Variants in GRM1 observed in about 807,000 individuals in gnomAD.
GRM1 encodes the protein glutamate metabotropic receptor 1, also known as metabotropic glutamate receptor 1.
In GRM1, 33 loss-of-function variants were observed where a neutral mutation model predicts 90.9. The ratio of observed to expected loss-of-function variants is 0.36; its 90% CI spans 0.28 to 0.49. GRM1 has a LOEUF of 0.49. Among genes scored for constraint, GRM1 ranks in the 20% least tolerant of loss-of-function variants. The pLI is 0.99. For synonymous variants in GRM1, 700 were observed against 613.2 expected, an observed-to-expected ratio of 1.14 and a Z score of -2.09; for missense variants, 1,190 against 1,534.3, an observed-to-expected ratio of 0.78 and a Z score of 3.75.
chr6:146,301,981 T>G lies in GRM1; in HGVS notation c.951-2630T>G, dbSNP rs560433724. 3.9e-5 allele frequency among the ~76,000 whole-genome samples: 6 copies of G among 152,174 alleles called. No individual in the cohort carries two copies. In the South Asian group the frequency reaches 6.2e-4, roughly 16 times the overall value. On this transcript the variant is annotated intron_variant, in intron 2 of 7. Transcript: ENST00000282753. Reference sequence around the variant, plus strand: ...GAATGACCTGATTGAGTAATAGGCTTACAACACTTTGAGGACTTCCCATGG... The same window carrying G: ...GAATGACCTGATTGAGTAATAGGCTGACAACACTTTGAGGACTTCCCATGG...
chr6:146,270,750 A>G (rs1782084995), intron 2 of GRM1, among the ~76,000 whole-genome samples: 1 of 152,162 alleles, frequency 6.6e-6, no homozygotes, highest in Admixed American at 6.5e-5. Context: ...TTCAGGGAGG[A>G]ACATACTTAT....
intron 1 of GRM1, among the ~76,000 whole-genome samples, chr6:146,149,710 A>T (rs1777250555): frequency 6.6e-6 from 1 of 152,206 alleles, no homozygotes; most frequent in Admixed American, 6.5e-5. Flanking sequence ...CACGATGCTG[A>T]GAACACAGTG....
At chr6:146,362,799 C>T (rs142669907) in intron 5 of GRM1, among the ~76,000 whole-genome samples, 29 of 152,062 alleles carry the variant, frequency 1.9e-4, no homozygotes, top group African/African-American at 5.3e-4. Flanking sequence ...AAACCTCTAG[C>T]GTGCTCCTTG....
rs1778549932 is a variant in GRM1, at chr6:146,434,950, C to T, written c.*154C>T. On this transcript the variant is annotated 3_prime_UTR_variant, in exon 8 of 8. Transcript: ENST00000282753. Reference sequence around the variant, plus strand: ...CTGCTGCCGCTACTGCTGCTGCTGCCTTAAGTAGGAAGAGAGGGAAGGACA... The same window carrying T: ...CTGCTGCCGCTACTGCTGCTGCTGCTTTAAGTAGGAAGAGAGGGAAGGACA... The T allele has an allele frequency of 4.1e-6, 3 of 725,776 alleles. No individual in the cohort carries two copies. The highest frequency in any genetic ancestry group is 1.7e-5 in the African/African-American group (1 of 57,198). 45.0% of individuals were successfully genotyped at this position (725,776 alleles called of 1,614,324 possible). A position where few individuals can be genotyped will look rare whatever the true frequency, so the allele number is the denominator to read the frequency against.
At chr6:146,086,587 A>G (rs114698512) in intron 1 of GRM1, among the ~76,000 whole-genome samples, 54 of 151,790 alleles carry the variant, frequency 3.6e-4, no homozygotes, top group African/African-American at 1.3e-3. Flanking sequence ...AAATATATTG[A>G]TTTTAATACC....
intron 7 of GRM1, among the ~76,000 whole-genome samples, chr6:146,420,930 G>T (rs1777967213): frequency 1.3e-5 from 2 of 152,090 alleles, no homozygotes; most frequent in African/African-American, 4.8e-5. Context: ...ATAATTAATG[G>T]CTGCTAAGAC....
rs1230974351 is a variant in GRM1, at chr6:146,399,329, A to T, written c.2290A>T (p.Ile764Phe). The stretch of plus-strand genomic sequence containing the variant: ...CCCTTTGGGCTACAATGGACTCCTC[A>T]TCATGAGCTGTACCTACTATGCCTT... ...VAPLGYNGLL[I>F]MSCTYYAFKT... Residue 764 changes from isoleucine (I) to phenylalanine (F), a missense_variant, in exon 7 of 8, where the codon ATC becomes TTC. Transcript: ENST00000282753. This position sits in a 1 kb window ranked among gnomAD's most constrained non-coding sequence, Gnocchi z 5.4. The T allele has an allele frequency of 6.2e-7, 1 of 1,614,158 alleles. No individual in the cohort carries two copies. The highest frequency in any genetic ancestry group is 8.5e-7 in the Non-Finnish European group (1 of 1,180,014).
At chr6:146,172,672 A>G (rs1778179706) in intron 2 of GRM1, among the ~76,000 whole-genome samples, 1 of 152,212 alleles carries the variant, frequency 6.6e-6, no homozygotes, top group Non-Finnish European at 1.5e-5. Context: ...GAAAGGTCTT[A>G]GCACAGTGAT....
chr6:146,033,136 A>C (rs1221428555), intron 1 of GRM1, among the ~76,000 whole-genome samples: 1 of 152,180 alleles, frequency 6.6e-6, no homozygotes. Flanking sequence ...GAAATTGTTC[A>C]TGATTAGCTC....
At chr6:146,118,981 G>A (rs151257700) in intron 1 of GRM1, among the ~76,000 whole-genome samples, 2,427 of 152,288 alleles carry the variant, frequency 0.016, 17 homozygotes, top group Middle Eastern at 0.024. Flanking sequence ...GGATCAAATG[G>A]TATTTCTAGT....
intron 3 of GRM1, among the ~76,000 whole-genome samples, chr6:146,330,658 C>T (rs1000926496): frequency 1.3e-5 from 2 of 152,080 alleles, no homozygotes; most frequent in African/African-American, 4.8e-5. Flanking sequence ...GGTGTTATCC[C>T]CAATCTATTG....
intron 1 of GRM1, among the ~76,000 whole-genome samples, chr6:146,143,468 G>A (rs1024626132): frequency 1.3e-5 from 2 of 152,194 alleles, no homozygotes; most frequent in Non-Finnish European, 2.9e-5. Flanking sequence ...TGGGCAGTAT[G>A]TCTTTCTGTT....
Position 146,364,008 on chromosome 6 carries a change from C to T in GRM1, c.1602+6314C>T, listed in dbSNP as rs1288376930. 3.3e-5 allele frequency among the ~76,000 whole-genome samples: 5 copies of T among 152,124 alleles called. No homozygotes were observed. The East Asian group carries it at 5.8e-4, about 18-fold the overall frequency. On this transcript the variant is annotated intron_variant, in intron 5 of 7. Transcript: ENST00000282753. ...AAAATGAGGTTGGGAAGAGGATAGA[C>T]GACGCATCCGCTTCTACCTTTCCTA...
rs910653664 is a variant in GRM1, at chr6:146,066,747, A to G, written c.700+36530A>G. 5.4e-5 allele frequency among the ~76,000 whole-genome samples: 8 copies of G among 149,292 alleles called. No homozygotes were observed. In the South Asian group the frequency reaches 1.5e-3, roughly 28 times the overall value. ...TCACTCCTTAGAGAACAGGTTTTAC[A>G]TAATAATAGACAGACAGGCAGAGAG... On this transcript the variant is annotated intron_variant, in intron 1 of 7. Transcript: ENST00000282753.
chr6:146,433,805 T>C, intron 7 of GRM1, 67 bp from the exon 8 acceptor site: 1 of 1,172,850 alleles, frequency 8.5e-7, no homozygotes, highest in Non-Finnish European at 1.3e-6. Flanking sequence ...TTGCATATGT[T>C]TTCTATGTAT....
chr6:146,363,177 G>A (rs1027135967), intron 5 of GRM1, among the ~76,000 whole-genome samples: 1 of 151,976 alleles, frequency 6.6e-6, no homozygotes, highest in African/African-American at 2.4e-5. Flanking sequence ...TTTTCAGATC[G>A]ACACCTTTCA....
rs768023437 is a variant in GRM1 at position 146,426,563 on chromosome 6, A to T, written c.2661-7309A>T. On this transcript the variant is annotated intron_variant, in intron 7 of 7. Transcript: ENST00000282753. ...CTTTTTCTTTTCAATCTTCAGGAAG[A>T]GGCAGCCAGAATTCTCGCCCACCAG... 19 of 1,612,232 alleles carry T rather than the reference A, an allele frequency of 1.2e-5. No individual in the cohort carries two copies. The highest frequency in any genetic ancestry group is 1.6e-5 in the Non-Finnish European group (19 of 1,179,250).
intron 5 of GRM1, among the ~76,000 whole-genome samples, chr6:146,375,529 C>A (rs1776064087): frequency 6.6e-6 from 1 of 151,976 alleles, no homozygotes; most frequent in Non-Finnish European, 1.5e-5. Context: ...TGGGGCCTGT[C>A]TCTCTCTATA....
At chr6:146,433,476 T>C (rs777716539) in intron 7 of GRM1, among the ~76,000 whole-genome samples, 1 of 152,162 alleles carries the variant, frequency 6.6e-6, no homozygotes, top group East Asian at 1.9e-4. Context: ...CATGTGTAAC[T>C]AAGATTTTTT....
Sources: gnomAD v4.1 joint callset for allele counts (sites outside exome capture counted in the v4.1 genomes callset) on GRCh38, gnomAD v4.1.1 for gene constraint, Gnocchi (gnomAD v3.1) non-coding constraint, MANE v1.5 for transcripts, NCBI Gene and HGNC (gene_info 2026-07-23, HGNC 2026-07-21) for gene names.